Variants in NRG3 observed in about 807,000 individuals in gnomAD.
NRG3 encodes the protein neuregulin 3, also known as pro-neuregulin-3, membrane-bound isoform.
A neutral mutation model predicts 66.9 loss-of-function variants in NRG3; 31 were observed. The ratio of observed to expected loss-of-function variants is 0.46; its 90% CI spans 0.35 to 0.63. NRG3 has a LOEUF of 0.63. Ranked by LOEUF, NRG3 falls within the 20% of genes least tolerant of loss-of-function variation. The probability of loss-of-function intolerance (pLI) is 0.00; values close to 1 mark genes in which losing one functional copy is unlikely to be tolerated. For missense variants in NRG3, 910 were observed against 878.9 expected (o/e 1.04, Z -0.45); for synonymous variants, 393 against 359.4 (o/e 1.09, Z -1.06).
chr10:82,607,936 G>A lies in NRG3; in HGVS notation c.954-130641G>A, dbSNP rs187230448. ...ATTTCACTTTTCCATGAGTTACAAT[G>A]ACCAAATACTTTGCCATTATTATCT... On this transcript the variant is annotated intron_variant, in intron 2 of 8. Coordinates refer to ENST00000372141, the MANE Select transcript of NRG3 (RefSeq NM_001010848.4). Among the ~76,000 whole-genome samples the A allele has an allele frequency of 6.5e-3, 983 of 152,154 alleles. 11 individuals carry two copies. Among genetic ancestry groups the A allele is most frequent in the Middle Eastern group, 0.048 (14 of 294 alleles).
intron 6 of NRG3, among the ~76,000 whole-genome samples, chr10:82,968,644 G>A (rs1246161221): frequency 6.7e-6 from 1 of 148,730 alleles, no homozygotes; most frequent in Non-Finnish European, 1.5e-5. Context: ...GACAAGGAAG[G>A]AAGGGAGGAA....
In NRG3 at chr10:82,381,745, A is replaced by G. The variant is rs566585779; in HGVS notation, c.953+22877A>G. The stretch of plus-strand genomic sequence containing the variant: ...GAGACACCTTTGAGAGTAAGATGCT[A>G]TAAACAATACTCTTGGAAAACAAGC... On this transcript the variant is annotated intron_variant, in intron 2 of 8. Coordinates refer to ENST00000372141, the MANE Select transcript of NRG3 (RefSeq NM_001010848.4). Among the ~76,000 whole-genome samples, 17 of 152,280 alleles carry G rather than the reference A, an allele frequency of 1.1e-4. No individual in the cohort carries two copies. In the South Asian group the frequency reaches 3.5e-3, roughly 32 times the overall value.
chr10:82,867,494 T>G (rs1245842385), intron 4 of NRG3, among the ~76,000 whole-genome samples: 3 of 152,180 alleles, frequency 2.0e-5, no homozygotes, highest in African/African-American at 7.2e-5. Context: ...ACTGTGTGAA[T>G]GGCATAAACT....
At chr10:82,975,921 A>G (rs1442731771) in intron 7 of NRG3, among the ~76,000 whole-genome samples, 1 of 152,234 alleles carries the variant, frequency 6.6e-6, no homozygotes, top group Non-Finnish European at 1.5e-5. Flanking sequence ...CATATATGAA[A>G]CAGAGCTATT....
At chr10:82,587,704 C>A (rs1262404842) in intron 2 of NRG3, among the ~76,000 whole-genome samples, 1 of 152,026 alleles carries the variant, frequency 6.6e-6, no homozygotes, top group Non-Finnish European at 1.5e-5. Context: ...GATGGACAGG[C>A]CATGAATCAG....
chr10:82,390,106 CAA>C (rs748975412), intron 2 of NRG3, among the ~76,000 whole-genome samples: 17 of 152,266 alleles, frequency 1.1e-4, no homozygotes, highest in Admixed American at 5.9e-4. Context: ...GGGAATAAAA[CAA>C]GAGTACAAAC....
rs182753126 is a variant in NRG3, at chr10:82,971,604, T to A, written c.1285-2184T>A. On this transcript the variant is annotated intron_variant, in intron 6 of 8. Coordinates refer to ENST00000372141, the MANE Select transcript of NRG3 (RefSeq NM_001010848.4). ...GGCGCATGCCACCATGCCCAGCTAA[T>A]TTTTGTACTTTTAGTAGAGACAGGG... Among the ~76,000 whole-genome samples the A allele has an allele frequency of 5.9e-3, 900 of 152,150 alleles. 8 individuals carry two copies. The highest frequency in any genetic ancestry group is 0.021 in the African/African-American group (855 of 41,518).
At chr10:82,048,310 C>T (rs1589906624) in intron 1 of NRG3, among the ~76,000 whole-genome samples, 2 of 151,164 alleles carry the variant, frequency 1.3e-5, no homozygotes, top group East Asian at 1.9e-4. Flanking sequence ...TTTTCAGCAC[C>T]ACACCACACC....
chr10:82,214,918 A>G (rs994170900), intron 1 of NRG3, among the ~76,000 whole-genome samples: 3 of 152,216 alleles, frequency 2.0e-5, no homozygotes, highest in Non-Finnish European at 4.4e-5. Flanking sequence ...TTTTCCAGCT[A>G]TGGCATCACT....
chr10:82,941,842 C>G (rs1356807082), intron 4 of NRG3, among the ~76,000 whole-genome samples: 1 of 152,090 alleles, frequency 6.6e-6, no homozygotes, highest in Admixed American at 6.6e-5. Context: ...TAGAAAGGAG[C>G]CTCTGAGGTA....
At chr10:81,907,783 T>A (rs984773127) in intron 1 of NRG3, among the ~76,000 whole-genome samples, 1 of 152,160 alleles carries the variant, frequency 6.6e-6, no homozygotes, top group Non-Finnish European at 1.5e-5. Flanking sequence ...GTAAGGCTTC[T>A]CAGTTTGTAC....
At chr10:81,891,092 GA>G (rs1842970633) in intron 1 of NRG3, among the ~76,000 whole-genome samples, 1 of 152,172 alleles carries the variant, frequency 6.6e-6, no homozygotes, top group Admixed American at 6.5e-5. Flanking sequence ...GCTGAGTTGG[GA>G]AGTCCACTTT....
At chr10:82,510,046 T>C (rs774131207) in intron 2 of NRG3, among the ~76,000 whole-genome samples, 3 of 152,184 alleles carry the variant, frequency 2.0e-5, no homozygotes, top group Non-Finnish European at 4.4e-5. Flanking sequence ...CTTTGTGATC[T>C]AGTGGATTCT....
intron 1 of NRG3, among the ~76,000 whole-genome samples, chr10:81,941,188 C>T (rs528666683): frequency 6.6e-6 from 1 of 152,222 alleles, no homozygotes; most frequent in African/African-American, 2.4e-5. Flanking sequence ...CACCCCATTT[C>T]ATAATTTTTA....
chr10:82,744,193 A>G (rs2058547204), intron 3 of NRG3, among the ~76,000 whole-genome samples: 2 of 152,216 alleles, frequency 1.3e-5, no homozygotes, highest in Admixed American at 6.5e-5. Context: ...ATAATTAAGC[A>G]TATGTAACAT....
intron 1 of NRG3, among the ~76,000 whole-genome samples, chr10:82,304,917 C>G (rs2080626732): frequency 6.7e-6 from 1 of 149,608 alleles, no homozygotes; most frequent in Non-Finnish European, 1.5e-5. Flanking sequence ...AAAATATTGA[C>G]TATCACAGAT....
chr10:82,793,373 T>G (rs1230485131), intron 3 of NRG3, among the ~76,000 whole-genome samples: 3 of 152,196 alleles, frequency 2.0e-5, no homozygotes, highest in Admixed American at 1.3e-4. Flanking sequence ...GTATCTGTGC[T>G]GAGACAGTAT....
At chr10:82,965,125 A>G (rs1247057302) in intron 6 of NRG3, among the ~76,000 whole-genome samples, 1 of 152,184 alleles carries the variant, frequency 6.6e-6, no homozygotes, top group Non-Finnish European at 1.5e-5. Flanking sequence ...ACAACAAAAA[A>G]CACTTGAGCT....
rs368631355 is a variant in NRG3 at position 82,712,498 on chromosome 10, A to G, written c.954-26079A>G. Among the ~76,000 whole-genome samples, 48 of 152,338 alleles carry G rather than the reference A, an allele frequency of 3.2e-4. No individual in the cohort carries two copies. In the South Asian group the frequency reaches 7.7e-3, roughly 24 times the overall value. On this transcript the variant is annotated intron_variant, in intron 2 of 8. Coordinates refer to ENST00000372141, the MANE Select transcript of NRG3 (RefSeq NM_001010848.4). The stretch of plus-strand genomic sequence containing the variant: ...GGTTAGCAAAAGGTTATGATTCTCC[A>G]TGGCCAACGCTTCCGAAGGAGTAAA...
Sources: allele counts gnomAD v4.1 joint callset (sites outside exome capture counted in the v4.1 genomes callset), GRCh38; gene constraint gnomAD v4.1.1; transcripts MANE v1.5; gene names NCBI Gene and HGNC (gene_info 2026-07-23, HGNC 2026-07-21).